The following GCNT2 variants were observed in gnomAD, a reference collection of about 807,000 sequenced individuals.
GCNT2 encodes N-acetyllactosaminide beta-1,6-N-acetylglucosaminyl-transferase.
Under a neutral mutation model 34.2 loss-of-function variants are expected in GCNT2, and 34 were observed. The observed-to-expected ratio is 1.00, with a 90% CI of 0.76 to 1.32. The LOEUF is 1.32. GCNT2 is among the 40% of genes most tolerant of loss of function. The probability of loss-of-function intolerance (pLI) is 0.00; values close to 1 mark genes in which losing one functional copy is unlikely to be tolerated. For missense variants in GCNT2, 584 were observed against 489.4 expected, an observed-to-expected ratio of 1.19 and a Z score of -1.82; for synonymous variants, 212 against 188.0, an observed-to-expected ratio of 1.13 and a Z score of -1.04.
intron 3 of GCNT2, among the ~76,000 whole-genome samples, chr6:10,620,412 T>C (rs1765982343): frequency 6.6e-6 from 1 of 151,924 alleles, no homozygotes; most frequent in South Asian, 2.1e-4. Context: ...TTTTAATTTT[T>C]TTTTTTTATT....
intron 3 of GCNT2, among the ~76,000 whole-genome samples, chr6:10,543,742 T>G (rs1173665684): frequency 6.6e-6 from 1 of 152,232 alleles, no homozygotes; most frequent in Non-Finnish European, 1.5e-5. Context: ...TATATCTTCT[T>G]AGAAGAGGAC....
intron 3 of GCNT2, among the ~76,000 whole-genome samples, chr6:10,540,882 G>A (rs505006): frequency 1 from 151,953 of 152,298 alleles, 75,807 homozygotes; most frequent in Middle Eastern, 1. Flanking sequence ...GCTGCCACCT[G>A]TGCTAAATCC....
At chr6:10,600,935 C>T (rs1012501182) in intron 3 of GCNT2, among the ~76,000 whole-genome samples, 21 of 151,992 alleles carry the variant, frequency 1.4e-4, no homozygotes, top group African/African-American at 4.3e-4. Context: ...GGACTACAGG[C>T]GCATGCCACC....
At chr6:10,608,025 C>A (rs967891161) in intron 3 of GCNT2, among the ~76,000 whole-genome samples, 3 of 151,280 alleles carry the variant, frequency 2.0e-5, no homozygotes, top group Non-Finnish European at 4.4e-5. Context: ...AAATAACTTC[C>A]TTGAGACAGA....
chr6:10,526,077 T>C (rs914510067), intron 1 of GCNT2, among the ~76,000 whole-genome samples: 1 of 152,240 alleles, frequency 6.6e-6, no homozygotes, highest in Non-Finnish European at 1.5e-5. Context: ...AAAGAGACGT[T>C]AAAAGTCAAC....
intron 3 of GCNT2, among the ~76,000 whole-genome samples, chr6:10,571,085 T>C (rs903010497): frequency 3.9e-5 from 6 of 152,206 alleles, no homozygotes; most frequent in Non-Finnish European, 7.3e-5. Flanking sequence ...ATCCTAGTTA[T>C]ACAAATTTGG....
chr6:10,614,647 AG>A (rs1349046946), intron 3 of GCNT2, among the ~76,000 whole-genome samples: 2 of 147,690 alleles, frequency 1.4e-5, no homozygotes, highest in African/African-American at 2.6e-5. Flanking sequence ...AAAAAAAAAG[AG>A]AAAAAGAAGA....
chr6:10,551,884 A>G (rs569173573), intron 3 of GCNT2, among the ~76,000 whole-genome samples: 44 of 151,850 alleles, frequency 2.9e-4, no homozygotes, highest in African/African-American at 1.0e-3. Context: ...CAGCCTCCCA[A>G]GTAGCTGAGA....
chr6:10,528,628 T>C lies in GCNT2; in HGVS notation c.-281-3T>C, dbSNP rs1235741388. 4.1e-6 allele frequency: 2 copies of C among 486,716 alleles called. No individual in the cohort carries two copies. Among genetic ancestry groups the C allele is most frequent in the African/African-American group, 3.9e-5 (2 of 51,328 alleles). 30.1% of individuals were successfully genotyped at this position (486,716 alleles called of 1,614,324 possible). ...CTCTCTGAGGACATCTGTTTTTGTG[T>C]AGACACAGGTTGCAGGTTAGCAGGA... On this transcript the variant is annotated splice_region_variant and splice_polypyrimidine_tract_variant and intron_variant, in intron 2 of 4. Transcript: ENST00000495262.
chr6:10,562,478 G>A (rs1049085789), intron 3 of GCNT2, among the ~76,000 whole-genome samples: 1 of 151,850 alleles, frequency 6.6e-6, no homozygotes, highest in African/African-American at 2.4e-5. Context: ...AGCACTTTTT[G>A]AGGCCCAGGC....
intron 3 of GCNT2, among the ~76,000 whole-genome samples, chr6:10,573,680 G>T (rs1413020048): frequency 6.6e-6 from 1 of 152,206 alleles, no homozygotes; most frequent in Non-Finnish European, 1.5e-5. Context: ...GTCTTCAACT[G>T]AAAAGCAGTG....
chr6:10,586,919 G>A (rs554454341), intron 3 of GCNT2: 1 of 1,601,504 alleles, frequency 6.2e-7, no homozygotes, highest in East Asian at 2.2e-5. Flanking sequence ...TTTCAGGTAG[G>A]TACTAATTTC....
intron 3 of GCNT2, among the ~76,000 whole-genome samples, chr6:10,617,963 C>T (rs1471939330): frequency 1.3e-5 from 2 of 151,580 alleles, no homozygotes; most frequent in Admixed American, 1.3e-4. Context: ...CCACGTTGGA[C>T]AGGCTGGTCT....
chr6:10,576,821 C>T (rs1020998751), intron 3 of GCNT2, among the ~76,000 whole-genome samples: 2 of 152,162 alleles, frequency 1.3e-5, no homozygotes, highest in East Asian at 3.8e-4. Flanking sequence ...AGCCTGTAAT[C>T]CCATCACTTT....
intron 3 of GCNT2, among the ~76,000 whole-genome samples, chr6:10,597,286 G>T (rs1390867443): frequency 6.6e-6 from 1 of 150,958 alleles, no homozygotes. Context: ...CTTCCGAGTA[G>T]CTGGGACTAC....
chr6:10,532,358 A>G (rs1761535302), intron 3 of GCNT2, among the ~76,000 whole-genome samples: 3 of 152,238 alleles, frequency 2.0e-5, no homozygotes, highest in Non-Finnish European at 4.4e-5. Context: ...AAACTTAACA[A>G]AAGTTAGCCC....
intron 3 of GCNT2, chr6:10,557,395 C>A: frequency 7.0e-7 from 1 of 1,427,606 alleles, no homozygotes; most frequent in Non-Finnish European, 9.9e-7. Flanking sequence ...TTTGAAAGGG[C>A]TTTAGAATAA....
chr6:10,532,934 T>TTTG (rs1761567069), intron 3 of GCNT2, among the ~76,000 whole-genome samples: 1 of 119,794 alleles, frequency 8.3e-6, no homozygotes, highest in African/African-American at 3.0e-5. Flanking sequence ...TTTTTTTTTT[T>TTTG]GGCAGGTGTG....
intron 3 of GCNT2, among the ~76,000 whole-genome samples, chr6:10,588,595 A>G (rs1424561877): frequency 5.9e-5 from 9 of 152,290 alleles, no homozygotes; most frequent in Non-Finnish European, 1.0e-4. Context: ...ATCTAAAGCA[A>G]ATTTCCTGCA....
Sources: gnomAD v4.1 joint callset for allele counts (sites outside exome capture counted in the v4.1 genomes callset) on GRCh38, gnomAD v4.1.1 for gene constraint, MANE v1.5 for transcripts, NCBI Gene and HGNC (gene_info 2026-07-23, HGNC 2026-07-21) for gene names.